PCDH15: variants seen among roughly 807,000 people sequenced by gnomAD.
The protein encoded by PCDH15 is protocadherin-15.
Under a neutral mutation model 178.5 loss-of-function variants are expected in PCDH15, and 129 were observed. That is an observed-to-expected ratio of 0.72 (90% CI 0.63 to 0.84). The LOEUF is 0.84. Ranked by LOEUF, PCDH15 falls within the 40% of genes least tolerant of loss-of-function variation. PCDH15 has a pLI of 0.00. For missense variants in PCDH15, 2,230 were observed against 2,099.9 expected, an observed-to-expected ratio of 1.06 and a Z score of -1.21; for synonymous variants, 800 against 732.0, an observed-to-expected ratio of 1.09 and a Z score of -1.50.
At chr10:54,141,387 G>A (rs9651343) in intron 14 of PCDH15, among the ~76,000 whole-genome samples, 2,448 of 152,098 alleles carry the variant, frequency 0.016, 74 homozygotes, top group African/African-American at 0.054. Context: ...TTATTTTTAT[G>A]AGTTCTAAAC....
chr10:55,583,597 C>A (rs953396913), intron 2 of PCDH15, among the ~76,000 whole-genome samples: 5 of 152,036 alleles, frequency 3.3e-5, no homozygotes, highest in Admixed American at 2.6e-4. Flanking sequence ...CCATGCCCAG[C>A]TAATTTTTGT....
intron 2 of PCDH15, among the ~76,000 whole-genome samples, chr10:55,155,038 T>C (rs1838846293): frequency 6.6e-6 from 1 of 152,238 alleles, no homozygotes; most frequent in African/African-American, 2.4e-5. Context: ...AGACTGCTTC[T>C]GGCAGTACAG....
intron 2 of PCDH15, among the ~76,000 whole-genome samples, chr10:55,408,821 C>T (rs1838266582): frequency 2.0e-5 from 3 of 152,008 alleles, no homozygotes; most frequent in Non-Finnish European, 4.4e-5. Context: ...TTCACTAAAG[C>T]TCATCTTATC....
At chr10:55,072,313 G>A (rs946881263) in intron 2 of PCDH15, among the ~76,000 whole-genome samples, 1 of 152,136 alleles carries the variant, frequency 6.6e-6, no homozygotes, top group East Asian at 1.9e-4. Context: ...CCAGGAGCTG[G>A]TTTTGTGAAA....
chr10:54,480,316 G>C (rs1029825665), intron 3 of PCDH15, among the ~76,000 whole-genome samples: 3 of 152,056 alleles, frequency 2.0e-5, no homozygotes, highest in Non-Finnish European at 4.4e-5. Context: ...GTAGTTAAGA[G>C]ACTTGCTTGT....
intron 13 of PCDH15, among the ~76,000 whole-genome samples, chr10:54,164,810 A>T (rs886631598): frequency 6.6e-6 from 1 of 152,172 alleles, no homozygotes; most frequent in African/African-American, 2.4e-5. Flanking sequence ...AAGTCATAAG[A>T]TATTATATCT....
In PCDH15 at chr10:54,183,388, T is replaced by A. The variant is rs192355223; in HGVS notation, c.1590+56A>T. 1.4e-4 allele frequency: 212 copies of A among 1,465,960 alleles called. 1 individual carries two copies. Among genetic ancestry groups the A allele is most frequent in the Admixed American group, 1.2e-3 (72 of 59,836 alleles). 90.8% of individuals were successfully genotyped at this position (1,465,960 alleles called of 1,614,324 possible). A position where few individuals can be genotyped will look rare whatever the true frequency, so the allele number is the denominator to read the frequency against. On this transcript the variant is annotated intron_variant, in intron 13 of 37. Coordinates refer to ENST00000644397, the MANE Select transcript of PCDH15 (RefSeq NM_001384140.1). ...GTAATTTCTTCATGAGCATATCGTA[T>A]AATGCACATGTAAATAACAGCTTTG...
At chr10:55,471,608 C>T (rs76589363) in intron 2 of PCDH15, among the ~76,000 whole-genome samples, 2,771 of 152,268 alleles carry the variant, frequency 0.018, 93 homozygotes, top group African/African-American at 0.064. Context: ...TCCCTGTTGG[C>T]TAGTCTGGTC....
At chr10:55,024,559 A>C (rs568520464) in intron 2 of PCDH15, among the ~76,000 whole-genome samples, 2 of 151,966 alleles carry the variant, frequency 1.3e-5, no homozygotes, top group Non-Finnish European at 2.9e-5. Context: ...TATCATATAC[A>C]TATCTCATTA....
intron 2 of PCDH15, among the ~76,000 whole-genome samples, chr10:54,535,552 T>C (rs983327153): frequency 3.3e-5 from 5 of 151,302 alleles, no homozygotes; most frequent in African/African-American, 7.3e-5. Context: ...CTACTAAAAA[T>C]ACAAAAAATT....
intron 3 of PCDH15, among the ~76,000 whole-genome samples, chr10:54,435,066 CT>C (rs1475304220): frequency 6.6e-6 from 1 of 150,948 alleles, no homozygotes; most frequent in African/African-American, 2.4e-5. Context: ...CTTACTTCCT[CT>C]TTTTAAAACT....
chr10:54,363,291 T>C (rs1225333635), intron 5 of PCDH15, among the ~76,000 whole-genome samples: 5 of 152,180 alleles, frequency 3.3e-5, no homozygotes, highest in African/African-American at 1.2e-4. Context: ...GTTACAAGAG[T>C]CATAAAATAT....
At position 54,135,037 on chromosome 10, in the gene PCDH15, C is replaced by T. The variant is rs150338466; in HGVS notation, c.1785-2030G>A. On this transcript the variant is annotated intron_variant, in intron 14 of 37. Coordinates refer to ENST00000644397, the MANE Select transcript of PCDH15 (RefSeq NM_001384140.1). Reference sequence around the variant, plus strand: ...TGACCAACATGGAGAAACCCCATCTCGACTAAAAAACACAAAAATTAGCCA... The same window carrying T: ...TGACCAACATGGAGAAACCCCATCTTGACTAAAAAACACAAAAATTAGCCA... 3.5e-3 allele frequency among the ~76,000 whole-genome samples: 523 copies of T among 151,260 alleles called. 4 individuals carry two copies. The highest frequency in any genetic ancestry group is 0.021 in the Middle Eastern group (6 of 292).
chr10:54,409,718 A>G (rs1379360041), intron 3 of PCDH15, among the ~76,000 whole-genome samples: 1 of 152,090 alleles, frequency 6.6e-6, no homozygotes, highest in Non-Finnish European at 1.5e-5. Flanking sequence ...CCAAACTCAT[A>G]TGTTGATGAT....
intron 21 of PCDH15, among the ~76,000 whole-genome samples, chr10:53,962,886 A>T (rs1336202298): frequency 6.6e-6 from 1 of 152,204 alleles, no homozygotes; most frequent in Non-Finnish European, 1.5e-5. Context: ...GCACTGTAAC[A>T]TTTACAGTGC....
intron 3 of PCDH15, among the ~76,000 whole-genome samples, chr10:54,850,385 T>C (rs538842956): frequency 8.5e-5 from 13 of 152,150 alleles, no homozygotes; most frequent in Non-Finnish European, 1.9e-4. Context: ...GGTGTACCCA[T>C]CACCCAAGCA....
intron 2 of PCDH15, among the ~76,000 whole-genome samples, chr10:54,613,321 A>G (rs1337333243): frequency 6.6e-6 from 1 of 151,932 alleles, no homozygotes; most frequent in Non-Finnish European, 1.5e-5. Context: ...AATGTGAATG[A>G]GGAAAAGAAA....
intron 1 of PCDH15, among the ~76,000 whole-genome samples, chr10:55,180,540 C>T (rs73265576): frequency 6.6e-6 from 1 of 152,206 alleles, no homozygotes; most frequent in African/African-American, 2.4e-5. Context: ...GAAATGCCTG[C>T]TATGAATCAG....
intron 2 of PCDH15, among the ~76,000 whole-genome samples, chr10:54,625,067 G>T (rs781763210): frequency 2.3e-4 from 35 of 152,202 alleles, no homozygotes; most frequent in Non-Finnish European, 4.9e-4. Context: ...CTGGTCCCTG[G>T]TGCCAAAAAG....
Sources: allele counts gnomAD v4.1 joint callset (sites outside exome capture counted in the v4.1 genomes callset), GRCh38; gene constraint gnomAD v4.1.1; transcripts MANE v1.5; gene names NCBI Gene and HGNC (gene_info 2026-07-23, HGNC 2026-07-21).